Variants in EEF2KMT observed in about 807,000 individuals in gnomAD.
EEF2KMT encodes the protein eukaryotic elongation factor 2 lysine methyltransferase.
A neutral mutation model predicts 35.1 loss-of-function variants in EEF2KMT; 30 were observed. The observed-to-expected ratio is 0.85, with a 90% CI of 0.64 to 1.16. The LOEUF is 1.16. Ranked by LOEUF, EEF2KMT falls within the 50% of genes most tolerant of loss-of-function variation. EEF2KMT has a pLI of 0.00. For missense variants in EEF2KMT, 499 were observed against 438.2 expected, an observed-to-expected ratio of 1.14 and a Z score of -1.24; for synonymous variants, 190 against 187.7, an observed-to-expected ratio of 1.01 and a Z score of -0.10.
intron 1 of EEF2KMT, among the ~76,000 whole-genome samples, chr16:5,096,050 C>G (rs1186220678): frequency 1.3e-5 from 2 of 152,192 alleles, no homozygotes; most frequent in African/African-American, 4.8e-5. Flanking sequence ...CTGGCCTGTT[C>G]TCCCTCACCC....
Position 5,090,253 on chromosome 16 carries a change from G to T in EEF2KMT, c.573C>A (p.Ser191Arg), listed in dbSNP as rs1485879830. The T allele has an allele frequency of 6.2e-7, 1 of 1,611,932 alleles. No homozygotes were observed. The highest frequency in any genetic ancestry group is 2.2e-5 in the East Asian group (1 of 44,892). The change falls in exon 6 of 8, where the codon AGC (serine) becomes AGA (arginine). Residue 191 changes from serine (S) to arginine (R), a missense_variant. Ser to Arg is a moderately radical substitution (Grantham distance 110, BLOSUM62 -1). Coordinates refer to ENST00000427587, the MANE Select transcript of EEF2KMT (RefSeq NM_201400.4). The surrounding 1 kb of genome is among the most constrained non-coding windows in gnomAD (Gnocchi z 4.1). ...TCCCTCGGAGCTGCTCAAGGACCCGGCTGTGACAGTCGCTGAAGATGTATG... is the reference window on the plus strand; with the variant it reads ...TCCCTCGGAGCTGCTCAAGGACCCGTCTGTGACAGTCGCTGAAGATGTATG... ...PRAYIFSDCH[S>R]RVLEQLRGNV...
intron 7 of EEF2KMT, among the ~76,000 whole-genome samples, chr16:5,087,925 TTTTTTTTTTTTA>T (rs1957241687): frequency 5.0e-4 from 1 of 1,988 alleles, no homozygotes; most frequent in Non-Finnish European, 1.5e-3. Flanking sequence ...AAGACTTCCT[TTTTTTTTTTTTA>T]TTTTTTATTT....
chr16:5,085,365 A>C lies in EEF2KMT; in HGVS notation c.*267T>G. ...ACTTGATACACACGTTTTTATTTGC[A>C]CAAAGAAAATGCTATTTTTGGAGCC... is the stretch of plus-strand genomic sequence containing the variant. On this transcript the variant is annotated 3_prime_UTR_variant, in exon 8 of 8. Coordinates refer to ENST00000427587, the MANE Select transcript of EEF2KMT (RefSeq NM_201400.4). 1 of 529,356 alleles carries C rather than the reference A, an allele frequency of 1.9e-6. No individual in the cohort carries two copies. The allele number at this position is 529,356 out of a possible 1,614,324, so 32.8% of individuals were successfully genotyped here.
chr16:5,084,978 A>G lies in EEF2KMT; in HGVS notation c.*654T>C, dbSNP rs971911419. On this transcript the variant is annotated 3_prime_UTR_variant, in exon 8 of 8. Coordinates refer to ENST00000427587, the MANE Select transcript of EEF2KMT (RefSeq NM_201400.4). ...CAAACCCTTTCGAGCAGCACCTCCC[A>G]GTGGCCAGAAGCTGAAATGACAGCA... The G allele has an allele frequency of 1.3e-6, 2 of 1,583,334 alleles. No individual in the cohort carries two copies. The highest frequency in any genetic ancestry group is 1.3e-5 in the African/African-American group (1 of 74,602).
At chr16:5,091,348 C>G (rs1226014693) in intron 4 of EEF2KMT, among the ~76,000 whole-genome samples, 12 of 152,156 alleles carry the variant, frequency 7.9e-5, no homozygotes, top group Non-Finnish European at 2.9e-5. Context: ...TCCCAAAATG[C>G]TGGGATTACA....
At chr16:5,087,899 C>T (rs1250382359) in intron 7 of EEF2KMT, among the ~76,000 whole-genome samples, 6 of 144,754 alleles carry the variant, frequency 4.1e-5, no homozygotes, top group Admixed American at 2.1e-4. Flanking sequence ...TTTTTTTTCA[C>T]GTAAGTATCT....
rs1957102618 is a variant in EEF2KMT at position 5,084,944 on chromosome 16, G to C, written c.*688C>G. The C allele has an allele frequency of 6.3e-7, 1 of 1,596,120 alleles. No individual in the cohort carries two copies. Among genetic ancestry groups the C allele is most frequent in the Non-Finnish European group, 8.5e-7 (1 of 1,179,634 alleles). ...GTCCTTCCCGCAGCTTCTTCTTGGA[G>C]TCTCAGGGCAAACCCTTTCGAGCAG... is the stretch of plus-strand genomic sequence containing the variant. On this transcript the variant is annotated 3_prime_UTR_variant, in exon 8 of 8. Coordinates refer to ENST00000427587, the MANE Select transcript of EEF2KMT (RefSeq NM_201400.4).
At chr16:5,089,666 A>G (rs1957298370) in intron 6 of EEF2KMT, among the ~76,000 whole-genome samples, 2 of 152,100 alleles carry the variant, frequency 1.3e-5, no homozygotes. Flanking sequence ...GCTGGGACCT[A>G]GGACCACAGG....
At chr16:5,088,259 GT>G (rs911282445) in intron 7 of EEF2KMT, among the ~76,000 whole-genome samples, 173 of 101,654 alleles carry the variant, frequency 1.7e-3, no homozygotes, top group African/African-American at 6.0e-3. Flanking sequence ...GTGCGAGGTT[GT>G]GGGGGGACTC....
At chr16:5,092,409 G>T (rs941458647) in intron 3 of EEF2KMT, among the ~76,000 whole-genome samples, 1 of 152,210 alleles carries the variant, frequency 6.6e-6, no homozygotes, top group Non-Finnish European at 1.5e-5. Flanking sequence ...CTCCACAGCT[G>T]GCCCCGTCCT....
chr16:5,092,213 G>A (rs1283744373), intron 3 of EEF2KMT, among the ~76,000 whole-genome samples: 1 of 152,170 alleles, frequency 6.6e-6, no homozygotes, highest in Non-Finnish European at 1.5e-5. Flanking sequence ...GGTGTTGGGA[G>A]GGTAGGGTTA....
At position 5,084,387 on chromosome 16, in the gene EEF2KMT, G is replaced by A. The variant is rs535821549; in HGVS notation, c.*1245C>T. 23 of 439,130 alleles carry A rather than the reference G, an allele frequency of 5.2e-5. No individual in the cohort carries two copies. In the Admixed American group the frequency reaches 7.0e-4, roughly 13 times the overall value. The allele number at this position is 439,130 out of a possible 1,614,324, so 27.2% of individuals were successfully genotyped here. A position where few individuals can be genotyped will look rare whatever the true frequency, so the allele number is the denominator to read the frequency against. ...GCTGTAGTTTGTGATCCTTGATTCA[G>A]ACAGTTTAGCAAGGCTGCAAAGAAC... On this transcript the variant is annotated 3_prime_UTR_variant, in exon 8 of 8. Transcript: ENST00000427587.
At chr16:5,097,536 A>G in intron 1 of EEF2KMT, 108 bp downstream of exon 1, 3 of 1,497,606 alleles carry the variant, frequency 2.0e-6, no homozygotes, top group Admixed American at 2.1e-5. Context: ...GCGGGAGCCC[A>G]GGAACTCACG....
In EEF2KMT at chr16:5,090,463, C is replaced by T; in HGVS notation, c.445G>A (p.Ala149Thr). The change falls in exon 5 of 8, where the codon GCC (alanine) becomes ACC (threonine). Residue 149 changes from alanine (A) to threonine (T), a missense_variant. Ala to Thr is a moderately conservative substitution (Grantham distance 58). Transcript: ENST00000427587. The surrounding 1 kb of genome is among the most constrained non-coding windows in gnomAD (Gnocchi z 4.1). ...WDAALYLAEW[A>T]IENPAVFTNR... ...GTGAAGACTGCCGGGTTCTCGATGG[C>T]CCATTCTGCAAGGTAGAGGGCGGCG... is the stretch of plus-strand genomic sequence containing the variant. 6.2e-7 allele frequency: 1 copy of T among 1,612,012 alleles called. No homozygotes were observed. Among genetic ancestry groups the T allele is most frequent in the Admixed American group, 1.7e-5 (1 of 60,016 alleles).
intron 4 of EEF2KMT, among the ~76,000 whole-genome samples, chr16:5,091,157 C>G (rs1018730618): frequency 1.3e-5 from 2 of 152,190 alleles, no homozygotes; most frequent in Admixed American, 6.5e-5. Context: ...TCTTGGCTCA[C>G]TACAACCTCC....
chr16:5,097,284 G>A (rs1394425002), intron 1 of EEF2KMT: 2 of 1,331,618 alleles, frequency 1.5e-6, no homozygotes, highest in Non-Finnish European at 2.0e-6. Context: ...GGTTACCTGC[G>A]GTCCTGACGG....
chr16:5,087,652 G>A (rs1957226274), intron 7 of EEF2KMT, among the ~76,000 whole-genome samples: 1 of 152,020 alleles, frequency 6.6e-6, no homozygotes, highest in African/African-American at 2.4e-5. Context: ...ACAAAAAATA[G>A]CCAGGTGTGG....
chr16:5,086,287 A>G (rs1464244892), intron 7 of EEF2KMT, among the ~76,000 whole-genome samples: 2 of 146,442 alleles, frequency 1.4e-5, no homozygotes, highest in South Asian at 2.3e-4. Context: ...GTGAGCTGAG[A>G]TTGTGCCACT....
chr16:5,092,660 G>A (rs1357131925), intron 3 of EEF2KMT, among the ~76,000 whole-genome samples: 4 of 152,216 alleles, frequency 2.6e-5, no homozygotes, highest in Non-Finnish European at 4.4e-5. Flanking sequence ...ATGTTCGGGC[G>A]CATCTTTAAA....
Sources: gnomAD v4.1 joint callset for allele counts (sites outside exome capture counted in the v4.1 genomes callset) on GRCh38, gnomAD v4.1.1 for gene constraint, Gnocchi (gnomAD v3.1) non-coding constraint, MANE v1.5 for transcripts, NCBI Gene and HGNC (gene_info 2026-07-23, HGNC 2026-07-21) for gene names.